The following BCL11B variants were observed in gnomAD, a reference collection of about 807,000 sequenced individuals.
BCL11B encodes B-cell lymphoma/leukemia 11B.
A neutral mutation model predicts 49.9 loss-of-function variants in BCL11B; 8 were observed. The observed-to-expected ratio is 0.16, with a 90% CI of 0.09 to 0.29. BCL11B has a LOEUF of 0.29. Among genes scored for constraint, BCL11B ranks in the 10% least tolerant of loss-of-function variants. The pLI is 1.00. For missense variants in BCL11B, 1,006 were observed against 1,351.0 expected, an observed-to-expected ratio of 0.74 and a Z score of 4.00; for synonymous variants, 739 against 637.4, an observed-to-expected ratio of 1.16 and a Z score of -2.40.
chr14:99,169,785 C>G lies in BCL11B; in HGVS notation c.*4366G>C, dbSNP rs181429671. ...ACCTTCGGCTGACGGTTACTTAGGA[C>G]CGGGATGAAAGGCTGATTTCCTTAC... On this transcript the variant is annotated 3_prime_UTR_variant, in exon 4 of 4. Coordinates refer to ENST00000357195, the MANE Select transcript of BCL11B (RefSeq NM_138576.4). 8.9e-6 allele frequency: 2 copies of G among 225,800 alleles called. No individual in the cohort carries two copies. Among genetic ancestry groups the G allele is most frequent in the African/African-American group, 4.4e-5 (2 of 45,008 alleles). 14.0% of individuals were successfully genotyped at this position (225,800 alleles called of 1,614,324 possible).
rs563488096 is a variant in BCL11B at position 99,172,706 on chromosome 14, G to C, written c.*1445C>G. ...CAGTTTAACCCACCTCTGGGCCAAAGAGAAGAATATGCTGCAATTTCTTGT... is the reference window on the plus strand; with the variant it reads ...CAGTTTAACCCACCTCTGGGCCAAACAGAAGAATATGCTGCAATTTCTTGT... On this transcript the variant is annotated 3_prime_UTR_variant, in exon 4 of 4. Coordinates refer to ENST00000357195, the MANE Select transcript of BCL11B (RefSeq NM_138576.4). The C allele has an allele frequency of 4.6e-6, 1 of 217,084 alleles. No homozygotes were observed. Among genetic ancestry groups the C allele is most frequent in the East Asian group, 6.8e-5 (1 of 14,658 alleles). 13.4% of individuals were successfully genotyped at this position (217,084 alleles called of 1,614,324 possible). A position where few individuals can be genotyped will look rare whatever the true frequency, so the allele number is the denominator to read the frequency against.
chr14:99,242,539 G>A lies in BCL11B; in HGVS notation c.428-10982C>T, dbSNP rs941521. On this transcript the variant is annotated intron_variant, in intron 2 of 3. Coordinates refer to ENST00000357195, the MANE Select transcript of BCL11B (RefSeq NM_138576.4). The surrounding 1 kb of genome is among the most constrained non-coding windows in gnomAD (Gnocchi z 4.4). ...TCTGCCGTTCCCCACTCCAGCCCCA[G>A]TGCCAGTGAACAGGGGCTGGGTCAA... Among the ~76,000 whole-genome samples, 74,019 of 152,026 alleles carry A rather than the reference G, an allele frequency of 0.49. 18,785 individuals carry two copies. The highest frequency in any genetic ancestry group is 0.56 in the Non-Finnish European group (38,311 of 67,964).
chr14:99,197,651 C>T lies in BCL11B; in HGVS notation c.641-21456G>A, dbSNP rs143176108. Among the ~76,000 whole-genome samples, 1,120 of 152,230 alleles carry T rather than the reference C, an allele frequency of 7.4e-3. 9 individuals carry two copies. The highest frequency in any genetic ancestry group is 0.02 in the Middle Eastern group (6 of 294). On this transcript the variant is annotated intron_variant, in intron 3 of 3. Coordinates refer to ENST00000357195, the MANE Select transcript of BCL11B (RefSeq NM_138576.4). ...TCTGACAACGCCAAGATACACACCC[C>T]GCACGCACTCTTCCTCGCTGCGTGA...
In BCL11B at chr14:99,223,567, G is replaced by T. The variant is rs187300762; in HGVS notation, c.640+7778C>A. Reference sequence around the variant, plus strand: ...GTTTAATACGGCGCTGCTCCATGAGGATGAGCATATGTATGCCCCATTTCC... The same window carrying T: ...GTTTAATACGGCGCTGCTCCATGAGTATGAGCATATGTATGCCCCATTTCC... On this transcript the variant is annotated intron_variant, in intron 3 of 3. Transcript: ENST00000357195. Among the ~76,000 whole-genome samples the T allele has an allele frequency of 2.6e-5, 4 of 152,296 alleles. No homozygotes were observed. In the East Asian group the frequency reaches 7.7e-4, roughly 29 times the overall value.
chr14:99,228,282 C>T lies in BCL11B; in HGVS notation c.640+3063G>A, dbSNP rs957525164. 1.3e-5 allele frequency among the ~76,000 whole-genome samples: 2 copies of T among 152,190 alleles called. No individual in the cohort carries two copies. Among genetic ancestry groups the T allele is most frequent in the Non-Finnish European group, 2.9e-5 (2 of 68,024 alleles). On this transcript the variant is annotated intron_variant, in intron 3 of 3. Transcript: ENST00000357195. The surrounding 1 kb of genome is among the most constrained non-coding windows in gnomAD (Gnocchi z 4.8). Reference sequence around the variant, plus strand: ...GACTCCATTCCAACTACTAATTAAACAGGCACTAAAAACACTTAAGCAAAC... The same window carrying T: ...GACTCCATTCCAACTACTAATTAAATAGGCACTAAAAACACTTAAGCAAAC...
chr14:99,211,368 T>A (rs1555379841), intron 3 of BCL11B, among the ~76,000 whole-genome samples: 2 of 152,190 alleles, frequency 1.3e-5, no homozygotes, highest in Non-Finnish European at 2.9e-5. Context: ...CAGAGTCATG[T>A]ACTTGGGTGT....
intron 3 of BCL11B, among the ~76,000 whole-genome samples, chr14:99,223,239 T>G (rs941986084): frequency 6.6e-6 from 1 of 152,238 alleles, no homozygotes; most frequent in African/African-American, 2.4e-5. Context: ...CATTCATTTT[T>G]CCCCATGGAA....
intron 1 of BCL11B, among the ~76,000 whole-genome samples, chr14:99,261,118 G>A (rs1015786692): frequency 6.6e-6 from 1 of 152,194 alleles, no homozygotes; most frequent in Non-Finnish European, 1.5e-5. Context: ...TGCTGTGTGC[G>A]ACACTTCCCA....
At chr14:99,196,937 G>C (rs1028673298) in intron 3 of BCL11B, among the ~76,000 whole-genome samples, 1 of 152,196 alleles carries the variant, frequency 6.6e-6, no homozygotes, top group Non-Finnish European at 1.5e-5. Flanking sequence ...TTGAGGCTCA[G>C]GGCTGGAAGG....
intron 3 of BCL11B, among the ~76,000 whole-genome samples, chr14:99,190,908 G>A (rs1009330823): frequency 8.4e-4 from 17 of 20,244 alleles, no homozygotes; most frequent in Non-Finnish European, 1.8e-3. Flanking sequence ...TCGGCCACAC[G>A]GGGGGGGTCA....
rs1168491100 is a variant in BCL11B at position 99,174,264 on chromosome 14, T to C, written c.2572A>G (p.Ile858Val). The C allele has an allele frequency of 6.2e-7, 1 of 1,613,750 alleles. No homozygotes were observed. The highest frequency in any genetic ancestry group is 8.5e-7 in the Non-Finnish European group (1 of 1,180,018). ...QIGKEVYRCD[I>V]CQMPFSVYST... ...TAGACGCTGAAGGGCATCTGGCAGA[T>C]GTCGCAGCGGTACACCTCCTTGCCG... The change falls in exon 4 of 4, where the codon ATC becomes GTC. Residue 858 changes from isoleucine (I) to valine (V), a missense_variant. Around this residue, in one of 6 missense-constraint regions of BCL11B, gnomAD observed 24 missense variants for 128.4 expected, o/e 0.19. Transcript: ENST00000357195.
At chr14:99,250,990 G>A (rs1009993528) in intron 2 of BCL11B, among the ~76,000 whole-genome samples, 1 of 152,082 alleles carries the variant, frequency 6.6e-6, no homozygotes, top group Non-Finnish European at 1.5e-5. Context: ...ACTCTGGTTT[G>A]CACAGTTCAC....
In BCL11B at chr14:99,248,296, TCG is replaced by T. The variant is rs1491565997; in HGVS notation, c.427+9173_427+9174del. Among the ~76,000 whole-genome samples the T allele has an allele frequency of 6.6e-6, 1 of 152,082 alleles. No homozygotes were observed. The highest frequency in any genetic ancestry group is 1.5e-5 in the Non-Finnish European group (1 of 68,024). On this transcript the variant is annotated intron_variant, in intron 2 of 3. Transcript: ENST00000357195. This position sits in a 1 kb window ranked among gnomAD's most constrained non-coding sequence, Gnocchi z 4.7. Reference sequence around the variant, plus strand: ...CTCAAAAACAAAATAAAATGAAGCCTCGGGTGCCTTGCCTTCTCCAGCAAGGC... The same window carrying T: ...CTCAAAAACAAAATAAAATGAAGCCTGGTGCCTTGCCTTCTCCAGCAAGGC...
intron 3 of BCL11B, among the ~76,000 whole-genome samples, chr14:99,212,634 C>T (rs1035614060): frequency 2.6e-5 from 4 of 152,086 alleles, no homozygotes; most frequent in Admixed American, 6.6e-5. Context: ...AGGGGCCCAT[C>T]GGGGAGGGCA....
intron 3 of BCL11B, among the ~76,000 whole-genome samples, chr14:99,201,438 T>C (rs575898551): frequency 3.3e-5 from 5 of 152,258 alleles, no homozygotes; most frequent in African/African-American, 1.2e-4. Flanking sequence ...CACAGGGGGC[T>C]TCCTTCCTGC....
rs1886283969 is a variant in BCL11B, at chr14:99,171,348, A to G, written c.*2803T>C. 1 of 221,434 alleles carries G rather than the reference A, an allele frequency of 4.5e-6. No homozygotes were observed. Among genetic ancestry groups the G allele is most frequent in the African/African-American group, 2.2e-5 (1 of 44,630 alleles). The allele number at this position is 221,434 out of a possible 1,614,324, so 13.7% of individuals were successfully genotyped here. On this transcript the variant is annotated 3_prime_UTR_variant, in exon 4 of 4. Transcript: ENST00000357195. ...CTGTACAATAGGACTTAACATACAA[A>G]TGTGTTTTTTTTGCAATATTTTATC...
At chr14:99,229,602 C>T (rs868334247) in intron 3 of BCL11B, among the ~76,000 whole-genome samples, 72 of 152,310 alleles carry the variant, frequency 4.7e-4, no homozygotes, top group African/African-American at 1.7e-3. Flanking sequence ...GGCCTGGCCA[C>T]ATGAGGGAGC....
chr14:99,257,616 G>C lies in BCL11B; in HGVS notation c.282C>G (p.Asp94Glu), dbSNP rs570461424. Residue 94 changes from aspartate to glutamate, a missense_variant, in exon 2 of 4, where the codon GAC becomes GAG. By Grantham distance (45) the Asp-to-Glu change is conservative. Transcript: ENST00000357195. This position sits in a 1 kb window ranked among gnomAD's most constrained non-coding sequence, Gnocchi z 6.2. ...GTGAGGAGGGTGGCGGGCTGTCCTT[G>C]TCCAGGGCCTTGTCATAGCAGGCAC... is the stretch of plus-strand genomic sequence containing the variant. ...SLGACYDKALDKDSPPPSSRS... is the reference protein window; with the variant it reads ...SLGACYDKALEKDSPPPSSRS... 1.9e-6 allele frequency: 3 copies of C among 1,613,864 alleles called. No individual in the cohort carries two copies.
Position 99,174,008 on chromosome 14 carries a change from G to T in BCL11B, c.*143C>A. ...GTTTCCATAGGACTTCGCAGACACA[G>T]GTTAGGTTGGAGTGCCGCCTCCCCT... is the stretch of plus-strand genomic sequence containing the variant. On this transcript the variant is annotated 3_prime_UTR_variant, in exon 4 of 4. Coordinates refer to ENST00000357195, the MANE Select transcript of BCL11B (RefSeq NM_138576.4). 1 of 749,646 alleles carries T rather than the reference G, an allele frequency of 1.3e-6. No homozygotes were observed. Among genetic ancestry groups the T allele is most frequent in the Non-Finnish European group, 2.2e-6 (1 of 463,828 alleles). The allele number at this position is 749,646 out of a possible 1,614,324, so 46.4% of individuals were successfully genotyped here.
Sources: allele counts gnomAD v4.1 joint callset (sites outside exome capture counted in the v4.1 genomes callset), GRCh38; gene constraint gnomAD v4.1.1; regional missense constraint gnomAD v4.1.1; non-coding constraint Gnocchi (gnomAD v3.1); transcripts MANE v1.5; gene names NCBI Gene and HGNC (gene_info 2026-07-23, HGNC 2026-07-21).